The following CSMD3 variants were observed in gnomAD, a reference collection of about 807,000 sequenced individuals.
CSMD3 encodes CUB and Sushi multiple domains 3, also known as CUB and sushi domain-containing protein 3.
CSMD3 carries 177 observed loss-of-function variants against 435.2 expected under a neutral mutation model. The observed-to-expected ratio is 0.41, with a 90% CI of 0.36 to 0.46. CSMD3 has a LOEUF of 0.46. Among genes scored for constraint, CSMD3 ranks in the 20% least tolerant of loss-of-function variants. The pLI is 0.34. For synonymous variants in CSMD3, 1,656 were observed against 1,520.5 expected (o/e 1.09, Z -2.07); for missense variants, 4,265 against 4,504.6 (o/e 0.95, Z 1.52).
chr8:112,229,002 C>A (rs1283626337), intron 69 of CSMD3, 111 bp from the exon 70 acceptor site: 1 of 668,708 alleles, frequency 1.5e-6, no homozygotes, highest in Non-Finnish European at 2.6e-6. Flanking sequence ...CTGGAAATCA[C>A]ATAGTAAACA....
chr8:112,579,105 A>G (rs1454598937), intron 23 of CSMD3, among the ~76,000 whole-genome samples: 6 of 152,078 alleles, frequency 3.9e-5, no homozygotes, highest in African/African-American at 1.4e-4. Flanking sequence ...GTTAACAAAT[A>G]AAAGGAAAGT....
At chr8:112,389,922 CA>C (rs1830275962) in intron 36 of CSMD3, among the ~76,000 whole-genome samples, 1 of 152,148 alleles carries the variant, frequency 6.6e-6, no homozygotes, top group Non-Finnish European at 1.5e-5. Context: ...AGCCATAATT[CA>C]AATAACAGGA....
At chr8:112,936,501 G>T (rs183938665) in intron 9 of CSMD3, among the ~76,000 whole-genome samples, 1 of 152,152 alleles carries the variant, frequency 6.6e-6, no homozygotes, top group African/African-American at 2.4e-5. Flanking sequence ...GCAAGGAAGG[G>T]TCTGACTAAT....
At chr8:113,208,347 A>G (rs2092794789) in intron 3 of CSMD3, among the ~76,000 whole-genome samples, 1 of 152,136 alleles carries the variant, frequency 6.6e-6, no homozygotes, top group Non-Finnish European at 1.5e-5. Context: ...GACCCAAGGC[A>G]AGTTTCTTCT....
At chr8:112,262,720 G>A (rs1816536892) in intron 61 of CSMD3, among the ~76,000 whole-genome samples, 1 of 152,082 alleles carries the variant, frequency 6.6e-6, no homozygotes, top group African/African-American at 2.4e-5. Context: ...ACAGCTGAGT[G>A]CTCAAAGAAA....
rs186748096 is a variant in CSMD3, at chr8:113,353,465, C to T, written c.179-38672G>A. Among the ~76,000 whole-genome samples the T allele has an allele frequency of 3.9e-5, 6 of 152,274 alleles. No individual in the cohort carries two copies. The East Asian group carries it at 1.2e-3, about 29-fold the overall frequency. On this transcript the variant is annotated intron_variant, in intron 1 of 70. Coordinates refer to ENST00000297405, the MANE Select transcript of CSMD3 (RefSeq NM_198123.2). Reference sequence around the variant, plus strand: ...TAAAGAGCAGTAATTATATACAACACTGAAACACTAAATTATTCAATTGCC... The same window carrying T: ...TAAAGAGCAGTAATTATATACAACATTGAAACACTAAATTATTCAATTGCC...
intron 2 of CSMD3, among the ~76,000 whole-genome samples, chr8:113,299,606 T>A (rs912729056): frequency 2.0e-5 from 3 of 152,038 alleles, no homozygotes; most frequent in African/African-American, 7.2e-5. Flanking sequence ...AACAAACACA[T>A]GAAAAAATGC....
chr8:113,356,729 A>G lies in CSMD3; in HGVS notation c.179-41936T>C, dbSNP rs551798455. On this transcript the variant is annotated intron_variant, in intron 1 of 70. Coordinates refer to ENST00000297405, the MANE Select transcript of CSMD3 (RefSeq NM_198123.2). ...TTTTATTCTATCAAATATATGGAATATAACCAAGGTACACTTCCATTCAGA... is the reference window on the plus strand; with the variant it reads ...TTTTATTCTATCAAATATATGGAATGTAACCAAGGTACACTTCCATTCAGA... Among the ~76,000 whole-genome samples the G allele has an allele frequency of 1.9e-4, 29 of 152,316 alleles. No homozygotes were observed. In the East Asian group the frequency reaches 4.2e-3, roughly 22 times the overall value.
intron 5 of CSMD3, among the ~76,000 whole-genome samples, chr8:113,047,610 T>A (rs1329642187): frequency 6.6e-6 from 1 of 152,210 alleles, no homozygotes; most frequent in Non-Finnish European, 1.5e-5. Context: ...AATTGGAAAC[T>A]TTTTACAAAA....
At chr8:112,534,929 C>A (rs531875682) in intron 27 of CSMD3, among the ~76,000 whole-genome samples, 2 of 152,100 alleles carry the variant, frequency 1.3e-5, no homozygotes, top group African/African-American at 4.8e-5. Context: ...AAGAAAAAAA[C>A]CACATGATTA....
At chr8:113,078,972 T>G (rs975047240) in intron 5 of CSMD3, among the ~76,000 whole-genome samples, 1 of 152,182 alleles carries the variant, frequency 6.6e-6, no homozygotes, top group South Asian at 2.1e-4. Context: ...TTCAAGATTA[T>G]TGAAGCAACA....
chr8:112,505,233 T>C (rs1822378543), intron 29 of CSMD3, among the ~76,000 whole-genome samples: 1 of 152,158 alleles, frequency 6.6e-6, no homozygotes, highest in African/African-American at 2.4e-5. Context: ...TATTTTGTTT[T>C]AATTTATTCA....
At chr8:112,232,351 T>C (rs1813166524) in intron 68 of CSMD3, among the ~76,000 whole-genome samples, 1 of 152,202 alleles carries the variant, frequency 6.6e-6, no homozygotes, top group Non-Finnish European at 1.5e-5. Flanking sequence ...CTCACGCCTG[T>C]AATTCCAACA....
chr8:113,251,942 G>T (rs1192409843), intron 3 of CSMD3, among the ~76,000 whole-genome samples: 1 of 152,012 alleles, frequency 6.6e-6, no homozygotes, highest in Non-Finnish European at 1.5e-5. Flanking sequence ...GGTACAGTCA[G>T]CAAATACTTC....
chr8:112,492,331 A>T (rs1472033747), intron 31 of CSMD3, among the ~76,000 whole-genome samples, 158 bp downstream of exon 31: 1 of 152,174 alleles, frequency 6.6e-6, no homozygotes, highest in Non-Finnish European at 1.5e-5. Flanking sequence ...GTCTTTATTG[A>T]ATTCAACTTT....
intron 27 of CSMD3, among the ~76,000 whole-genome samples, chr8:112,548,703 A>G (rs1827408745): frequency 6.6e-6 from 1 of 152,144 alleles, no homozygotes; most frequent in African/African-American, 2.4e-5. Flanking sequence ...ATATTTTCCC[A>G]TTTCAAATCT....
chr8:113,300,251 C>T (rs986432574), intron 2 of CSMD3, among the ~76,000 whole-genome samples: 1 of 151,802 alleles, frequency 6.6e-6, no homozygotes, highest in African/African-American at 2.4e-5. Flanking sequence ...TTAGTTCAAC[C>T]TCTATGGAAA....
intron 3 of CSMD3, among the ~76,000 whole-genome samples, chr8:113,268,777 C>T (rs2093493834): frequency 6.6e-6 from 1 of 152,030 alleles, no homozygotes; most frequent in South Asian, 2.1e-4. Flanking sequence ...TTAAGTAGAA[C>T]TTCATGATAG....
chr8:112,898,763 TG>T (rs1421582280), intron 10 of CSMD3, among the ~76,000 whole-genome samples: 1 of 151,290 alleles, frequency 6.6e-6, no homozygotes, highest in Non-Finnish European at 1.5e-5. Context: ...AATCACAGTA[TG>T]TTTTATCTTT....
Sources: gnomAD v4.1 joint callset for allele counts (sites outside exome capture counted in the v4.1 genomes callset) on GRCh38, gnomAD v4.1.1 for gene constraint, MANE v1.5 for transcripts, NCBI Gene and HGNC (gene_info 2026-07-23, HGNC 2026-07-21) for gene names.